Variants in MAD1L1 observed in about 807,000 individuals in gnomAD.
The protein encoded by MAD1L1 is mitotic spindle assembly checkpoint protein MAD1.
In MAD1L1, 95 loss-of-function variants were observed where a neutral mutation model predicts 96.9. The ratio of observed to expected loss-of-function variants is 0.98; its 90% CI spans 0.83 to 1.16. The LOEUF (loss-of-function observed/expected upper bound fraction) is 1.16. Ranked by LOEUF, MAD1L1 falls within the 50% of genes most tolerant of loss-of-function variation. The pLI is 0.00. For synonymous variants in MAD1L1, 473 were observed against 396.6 expected (o/e 1.19, Z -2.29); for missense variants, 1,007 against 954.4 (o/e 1.06, Z -0.73).
chr7:2,159,568 C>T (rs910534332), intron 10 of MAD1L1, among the ~76,000 whole-genome samples: 5 of 152,308 alleles, frequency 3.3e-5, no homozygotes, highest in African/African-American at 1.2e-4. Flanking sequence ...AGGCATGGGA[C>T]TGTTTTTTAT....
chr7:2,084,257 T>C (rs904054705), intron 11 of MAD1L1, among the ~76,000 whole-genome samples: 1 of 152,172 alleles, frequency 6.6e-6, no homozygotes. Context: ...CTGACTTCAT[T>C]TCCTCAAAGT....
chr7:2,131,124 A>AAG (rs1788491007), intron 11 of MAD1L1, among the ~76,000 whole-genome samples: 1 of 152,026 alleles, frequency 6.6e-6, no homozygotes. Flanking sequence ...GACATACTGC[A>AAG]CTATGAGCTC....
chr7:1,888,804 G>T (rs1166366718), intron 18 of MAD1L1, among the ~76,000 whole-genome samples: 1 of 152,176 alleles, frequency 6.6e-6, no homozygotes, highest in Non-Finnish European at 1.5e-5. Flanking sequence ...CATGCATGTG[G>T]GTGGCTGTGC....
rs75847996 is a variant in MAD1L1 at position 2,199,781 on chromosome 7, C to A, written c.986+13431G>T. Among the ~76,000 whole-genome samples, 59 of 152,348 alleles carry A rather than the reference C, an allele frequency of 3.9e-4. No individual in the cohort carries two copies. The East Asian group carries it at 0.01, about 26-fold the overall frequency. On this transcript the variant is annotated intron_variant, in intron 10 of 18. Transcript: ENST00000265854. ...TAGGAGACGGCTTTCTCAGCTGCAG[C>A]CCAGACTCCGCGGTAAGGCCACAAC...
intron 18 of MAD1L1, among the ~76,000 whole-genome samples, chr7:1,861,338 G>T (rs549072195): frequency 5.3e-5 from 8 of 152,366 alleles, no homozygotes; most frequent in African/African-American, 1.4e-4. Context: ...AGTGACAACG[G>T]GGCTGAGGTG....
chr7:1,974,072 G>A (rs1034326990), intron 15 of MAD1L1, among the ~76,000 whole-genome samples: 8 of 152,198 alleles, frequency 5.3e-5, no homozygotes, highest in South Asian at 2.1e-4. Flanking sequence ...TAAGATCTCC[G>A]GGCTGAGACA....
chr7:2,176,390 T>A (rs1261114415), intron 10 of MAD1L1, among the ~76,000 whole-genome samples: 1 of 152,070 alleles, frequency 6.6e-6, no homozygotes, highest in Non-Finnish European at 1.5e-5. Context: ...ATTGAACATT[T>A]TCCCCCAGAT....
intron 18 of MAD1L1, among the ~76,000 whole-genome samples, chr7:1,857,620 C>T (rs1264191239): frequency 1.3e-5 from 2 of 152,224 alleles, no homozygotes; most frequent in Non-Finnish European, 2.9e-5. Context: ...TGGACCAGGG[C>T]TGCCTGGGAA....
intron 18 of MAD1L1, among the ~76,000 whole-genome samples, chr7:1,832,630 T>TTTTGGCGGG (rs56664541): frequency 0.012 from 28 of 2,350 alleles, 5 homozygotes; most frequent in African/African-American, 0.047. Flanking sequence ...TTTTTTTTTT[T>TTTTGGCGGG]GGCGGGGGGG....
intron 18 of MAD1L1, among the ~76,000 whole-genome samples, chr7:1,852,003 G>A (rs1049168348): frequency 6.6e-6 from 1 of 152,210 alleles, no homozygotes; most frequent in South Asian, 2.1e-4. Context: ...CAACGAGAGG[G>A]GCTGGGAACC....
intron 11 of MAD1L1, among the ~76,000 whole-genome samples, chr7:2,130,708 C>T (rs1788472751): frequency 6.6e-6 from 1 of 152,204 alleles, no homozygotes; most frequent in South Asian, 2.1e-4. Flanking sequence ...GCTCTTGTTC[C>T]GTAAATAACT....
At chr7:1,915,193 T>C (rs1788297640) in intron 17 of MAD1L1, among the ~76,000 whole-genome samples, 1 of 152,120 alleles carries the variant, frequency 6.6e-6, no homozygotes. Flanking sequence ...TATGGAGAGA[T>C]GAACCCCCTG....
At chr7:2,022,629 G>A (rs1782836778) in intron 12 of MAD1L1, among the ~76,000 whole-genome samples, 2 of 151,712 alleles carry the variant, frequency 1.3e-5, no homozygotes, top group Admixed American at 1.3e-4. Context: ...ACCAAACAAA[G>A]CAGATAAAGA....
At chr7:1,951,321 C>G (rs1338228879) in intron 16 of MAD1L1, among the ~76,000 whole-genome samples, 4 of 152,236 alleles carry the variant, frequency 2.6e-5, no homozygotes, top group Non-Finnish European at 4.4e-5. Flanking sequence ...GACCGAAGGA[C>G]AGAGGCCGTG....
At position 2,122,241 on chromosome 7, in the gene MAD1L1, C is replaced by T. The variant is rs1027595658; in HGVS notation, c.1073+26911G>A. Among the ~76,000 whole-genome samples the T allele has an allele frequency of 2.0e-5, 3 of 152,214 alleles. No individual in the cohort carries two copies. In the South Asian group the frequency reaches 6.2e-4, roughly 32 times the overall value. On this transcript the variant is annotated intron_variant, in intron 11 of 18. Transcript: ENST00000265854. Reference sequence around the variant, plus strand: ...GCTGGAGAAATGCTCAGACTGCCCGCGTCAGACCTGTCCACCTCGTGTGCC... The same window carrying T: ...GCTGGAGAAATGCTCAGACTGCCCGTGTCAGACCTGTCCACCTCGTGTGCC...
chr7:2,060,347 C>T (rs1052612213), intron 12 of MAD1L1, among the ~76,000 whole-genome samples: 13 of 149,642 alleles, frequency 8.7e-5, no homozygotes, highest in Non-Finnish European at 1.8e-4. Context: ...GCCAAGATGT[C>T]GAGATATGCT....
At chr7:2,128,378 G>A (rs1384988512) in intron 11 of MAD1L1, among the ~76,000 whole-genome samples, 1 of 151,992 alleles carries the variant, frequency 6.6e-6, no homozygotes, top group Admixed American at 6.5e-5. Flanking sequence ...GGCGGAGGAG[G>A]CCAGACCACC....
intron 12 of MAD1L1, among the ~76,000 whole-genome samples, chr7:2,039,847 G>A (rs1783600107): frequency 6.6e-6 from 1 of 151,890 alleles, no homozygotes; most frequent in Non-Finnish European, 1.5e-5. Flanking sequence ...CTTTCACGGG[G>A]CAAAAATTTT....
At chr7:1,995,394 C>T (rs1781509782) in intron 14 of MAD1L1, among the ~76,000 whole-genome samples, 1 of 152,204 alleles carries the variant, frequency 6.6e-6, no homozygotes, top group Admixed American at 6.5e-5. Flanking sequence ...ACTCACTTAG[C>T]TTTGTGAGAC....
Sources: gnomAD v4.1 joint callset for allele counts (sites outside exome capture counted in the v4.1 genomes callset) on GRCh38, gnomAD v4.1.1 for gene constraint, MANE v1.5 for transcripts, NCBI Gene and HGNC (gene_info 2026-07-23, HGNC 2026-07-21) for gene names.